The following NCOR2 variants were observed in gnomAD, a reference collection of about 807,000 sequenced individuals.
NCOR2 encodes CTG repeat protein 26.
NCOR2 carries 81 observed loss-of-function variants against 262.9 expected under a neutral mutation model. That is an observed-to-expected ratio of 0.31 (90% CI 0.26 to 0.37). The LOEUF (loss-of-function observed/expected upper bound fraction) is 0.37, where lower values mean the gene tolerates loss of function less well. Among genes scored for constraint, NCOR2 ranks in the 10% least tolerant of loss-of-function variants. NCOR2 has a pLI of 1.00. For synonymous variants in NCOR2, 1,659 were observed against 1,559.3 expected (o/e 1.06, Z -1.51); for missense variants, 3,385 against 3,621.4 (o/e 0.93, Z 1.68).
chr12:124,362,168 G>A lies in NCOR2; in HGVS notation c.3058C>T (p.Arg1020Trp), dbSNP rs761012912. 5.0e-5 allele frequency: 65 copies of A among 1,306,364 alleles called. No homozygotes were observed. Among genetic ancestry groups the A allele is most frequent in the Middle Eastern group, 2.7e-4 (1 of 3,744 alleles). 80.9% of individuals were successfully genotyped at this position (1,306,364 alleles called of 1,614,324 possible). A position where few individuals can be genotyped will look rare whatever the true frequency, so the allele number is the denominator to read the frequency against. The change falls in exon 22 of 47, where the codon CGG (arginine) becomes TGG (tryptophan). Residue 1020 changes from arginine (R) to tryptophan (W), a missense_variant. Transcript: ENST00000405201. ...GGTGCCGGGCTCCTGCTCTTGCCCC[G>A]GGGGCTGCTGCCAGGCTGCTGAGGG...
At chr12:124,512,404 G>A (rs565850262) in intron 1 of NCOR2, among the ~76,000 whole-genome samples, 136 of 152,352 alleles carry the variant, frequency 8.9e-4, no homozygotes, top group African/African-American at 3.1e-3. Context: ...TGTAGTTCAT[G>A]TAGTCTTGCT....
intron 4 of NCOR2, among the ~76,000 whole-genome samples, chr12:124,469,184 C>A (rs1292853327): frequency 6.6e-6 from 1 of 152,106 alleles, no homozygotes; most frequent in Non-Finnish European, 1.5e-5. Context: ...CAGGGCATCA[C>A]AAGTGAGATC....
chr12:124,492,034 A>G (rs962900421), intron 1 of NCOR2, among the ~76,000 whole-genome samples: 4 of 152,192 alleles, frequency 2.6e-5, no homozygotes, highest in Non-Finnish European at 4.4e-5. Context: ...CAAGCACCCA[A>G]CTAAGTGAAG....
At chr12:124,532,910 C>A (rs2050896229) in intron 1 of NCOR2, among the ~76,000 whole-genome samples, 1 of 144,856 alleles carries the variant, frequency 6.9e-6, no homozygotes, top group Admixed American at 6.9e-5. Context: ...TCCCCCCTCC[C>A]TCCAAGTCCC....
chr12:124,501,116 A>T (rs987361699), intron 1 of NCOR2, among the ~76,000 whole-genome samples: 4 of 150,366 alleles, frequency 2.7e-5, no homozygotes, highest in Non-Finnish European at 4.4e-5. Context: ...ACTCGACAGA[A>T]CCCTCTGATA....
intron 11 of NCOR2, among the ~76,000 whole-genome samples, chr12:124,424,306 G>A (rs997521795): frequency 1.3e-5 from 2 of 152,192 alleles, no homozygotes; most frequent in Non-Finnish European, 1.5e-5. Context: ...CTTAACACCC[G>A]TGACCGTCCC....
At chr12:124,408,881 C>A (rs185881358) in intron 13 of NCOR2, among the ~76,000 whole-genome samples, 47 of 152,330 alleles carry the variant, frequency 3.1e-4, no homozygotes, top group African/African-American at 1.1e-3. Flanking sequence ...CCGCCAACTC[C>A]ATGCACAGGG....
At chr12:124,451,212 C>G (rs1351347991) in intron 6 of NCOR2, among the ~76,000 whole-genome samples, 1 of 152,264 alleles carries the variant, frequency 6.6e-6, no homozygotes, top group Non-Finnish European at 1.5e-5. Context: ...CTGGGCTGAT[C>G]TACAACGCCG....
chr12:124,479,501 G>T (rs1039613401), intron 3 of NCOR2, among the ~76,000 whole-genome samples: 1 of 148,958 alleles, frequency 6.7e-6, no homozygotes, highest in East Asian at 2.0e-4. Flanking sequence ...GCACATGCGC[G>T]CATACACACG....
At chr12:124,331,579 C>T (rs2035203219) in intron 43 of NCOR2, 1 of 153,666 alleles carries the variant, frequency 6.5e-6, no homozygotes. Flanking sequence ...ATCTCAGCCT[C>T]CCCAGTAGCT....
At chr12:124,455,901 G>A (rs1178880970) in intron 6 of NCOR2, among the ~76,000 whole-genome samples, 2 of 152,080 alleles carry the variant, frequency 1.3e-5, no homozygotes, top group African/African-American at 4.8e-5. Context: ...TATGAGGCAG[G>A]GTCTCACTCT....
intron 7 of NCOR2, among the ~76,000 whole-genome samples, chr12:124,446,419 G>A (rs187984499): frequency 3.3e-5 from 5 of 152,142 alleles, no homozygotes; most frequent in East Asian, 1.9e-4. Context: ...TAATAAAACC[G>A]GAACTCCTTA....
chr12:124,334,964 G>T, intron 40 of NCOR2, 171 bp downstream of exon 42: 1 of 966,834 alleles, frequency 1.0e-6, no homozygotes. Context: ...GCCGGTGCTC[G>T]GGGCTTTGGG....
chr12:124,342,771 G>A (rs1318017187), intron 33 of NCOR2, among the ~76,000 whole-genome samples: 1 of 152,206 alleles, frequency 6.6e-6, no homozygotes, highest in African/African-American at 2.4e-5. Flanking sequence ...AGTCCTGCCG[G>A]AAAAGAAAAC....
At chr12:124,386,814 G>A (rs992491432) in intron 16 of NCOR2, among the ~76,000 whole-genome samples, 1 of 152,230 alleles carries the variant, frequency 6.6e-6, no homozygotes, top group South Asian at 2.1e-4. Flanking sequence ...GGCGAGCTGC[G>A]GCACACACAG....
rs556348005 is a variant in NCOR2 at position 124,415,202 on chromosome 12, A to C, written c.1482+4755T>G. On this transcript the variant is annotated intron_variant, in intron 13 of 46. Coordinates refer to ENST00000405201, the Ensembl canonical transcript of NCOR2. Reference sequence around the variant, plus strand: ...TTCTGTGTGCTCACAGCCTTGGCGCACTCAGAGACCACCACTGCCTGCACC... The same window carrying C: ...TTCTGTGTGCTCACAGCCTTGGCGCCCTCAGAGACCACCACTGCCTGCACC... Among the ~76,000 whole-genome samples, 3 of 152,186 alleles carry C rather than the reference A, an allele frequency of 2.0e-5. No individual in the cohort carries two copies. The East Asian group carries it at 5.8e-4, about 29-fold the overall frequency.
chr12:124,546,300 A>AAT (rs2051541918), intron 1 of NCOR2, among the ~76,000 whole-genome samples: 1 of 152,218 alleles, frequency 6.6e-6, no homozygotes, highest in African/African-American at 2.4e-5. Flanking sequence ...GGGCTTAATA[A>AAT]ATATGTACAG....
chr12:124,427,638 G>T (rs1367109025), intron 10 of NCOR2, among the ~76,000 whole-genome samples: 1 of 152,228 alleles, frequency 6.6e-6, no homozygotes, highest in Non-Finnish European at 1.5e-5. Context: ...TCTGACCCCG[G>T]GGTGGGAGAG....
chr12:124,385,216 C>T (rs2040710684), intron 17 of NCOR2, among the ~76,000 whole-genome samples: 2 of 152,184 alleles, frequency 1.3e-5, no homozygotes, highest in Admixed American at 6.5e-5. Flanking sequence ...AGGGTCTCAG[C>T]CTCCCGTGGC....
Sources: allele counts gnomAD v4.1 joint callset (sites outside exome capture counted in the v4.1 genomes callset), GRCh38; gene constraint gnomAD v4.1.1; transcripts MANE v1.5; gene names NCBI Gene and HGNC (gene_info 2026-07-23, HGNC 2026-07-21).